The following LRRK1 variants were observed in gnomAD, a reference collection of about 807,000 sequenced individuals.
The protein encoded by LRRK1 is leucine-rich repeat serine/threonine-protein kinase 1.
LRRK1 carries 113 observed loss-of-function variants against 209.1 expected under a neutral mutation model. The ratio of observed to expected loss-of-function variants is 0.54; its 90% CI spans 0.46 to 0.63. The LOEUF (loss-of-function observed/expected upper bound fraction) is 0.63. LRRK1 is among the 30% of genes least tolerant of loss of function. LRRK1 has a pLI of 0.00. For missense variants in LRRK1, 2,284 were observed against 2,632.2 expected (o/e 0.87, Z 2.89); for synonymous variants, 1,144 against 1,099.7 (o/e 1.04, Z -0.80).
At chr15:100,962,821 A>ATTTT (rs1430253898) in intron 2 of LRRK1, among the ~76,000 whole-genome samples, 2 of 14,698 alleles carry the variant, frequency 1.4e-4, no homozygotes, top group East Asian at 9.0e-4. Context: ...ATATATATAT[A>ATTTT]TATTTTTTTT....
Position 100,983,969 on chromosome 15 carries a change from CT to C in LRRK1, c.433+275del, listed in dbSNP as rs574808483. 3.2e-3 allele frequency: 1,543 copies of C among 483,814 alleles called. 20 individuals carry two copies. Among genetic ancestry groups the C allele is most frequent in the African/African-American group, 0.028 (1,415 of 51,184 alleles). The allele number at this position is 483,814 out of a possible 1,614,324, so 30.0% of individuals were successfully genotyped here. On this transcript the variant is annotated intron_variant, in intron 4 of 33. Coordinates refer to ENST00000388948, the MANE Select transcript of LRRK1 (RefSeq NM_024652.6). ...AAAAAAATAATTAATAGACCTTGGT[CT>C]TTTTAGAGAAGTTTTAGATTTATGG...
intron 20 of LRRK1, among the ~76,000 whole-genome samples, chr15:101,034,628 C>G (rs146631126): frequency 1.3e-5 from 2 of 152,166 alleles, no homozygotes; most frequent in African/African-American, 4.8e-5. Flanking sequence ...TATTTTTATA[C>G]TGATATCATG....
Position 100,944,248 on chromosome 15 carries a change from C to T in LRRK1, c.97+19519C>T, listed in dbSNP as rs114923545. ...CTAAATGGAAGTAGTTTGCACCATA[C>T]ACAAGCAGGCTTCTCCATCCAGGAA... On this transcript the variant is annotated intron_variant, in intron 2 of 33. Coordinates refer to ENST00000388948, the MANE Select transcript of LRRK1 (RefSeq NM_024652.6). Among the ~76,000 whole-genome samples, 163 of 152,274 alleles carry T rather than the reference C, an allele frequency of 1.1e-3. 3 individuals carry two copies. Among genetic ancestry groups the T allele is most frequent in the African/African-American group, 3.8e-3 (160 of 41,560 alleles).
chr15:101,047,767 G>C (rs888157399), intron 21 of LRRK1, among the ~76,000 whole-genome samples: 1 of 152,188 alleles, frequency 6.6e-6, no homozygotes, highest in Admixed American at 6.5e-5. Flanking sequence ...GCGATTCCTC[G>C]GGATACATCC....
intron 20 of LRRK1, among the ~76,000 whole-genome samples, chr15:101,035,867 T>C (rs1181716772): frequency 6.6e-6 from 1 of 152,220 alleles, no homozygotes; most frequent in Non-Finnish European, 1.5e-5. Flanking sequence ...TGATGTTAAA[T>C]GTCACTTTTC....
Position 101,068,845 on chromosome 15 carries a change from G to GT in LRRK1, c.6046dup (p.Ter2016LeufsTer6), listed in dbSNP as rs1360508923. On this transcript the variant is annotated frameshift_variant, in exon 34 of 34. Coordinates refer to ENST00000388948, the MANE Select transcript of LRRK1 (RefSeq NM_024652.6). LOFTEE classifies it high-confidence loss of function. ...TGGAGGCTTGCACTCGCAAGAGAAG[G>GT]TAATTCCTGTGGAATGACTGTCACA... The GT allele has an allele frequency of 6.3e-7, 1 of 1,595,110 alleles. No individual in the cohort carries two copies. The highest frequency in any genetic ancestry group is 8.5e-7 in the Non-Finnish European group (1 of 1,170,342).
chr15:100,922,968 C>T (rs921818516), intron 1 of LRRK1, among the ~76,000 whole-genome samples: 5 of 152,214 alleles, frequency 3.3e-5, no homozygotes, highest in South Asian at 2.1e-4. Flanking sequence ...GAAATTCCCA[C>T]AGCCTTGTCC....
In LRRK1 at chr15:101,046,020, G is replaced by C. The variant is rs759824409; in HGVS notation, c.3003G>C (p.Leu1001=). The C allele has an allele frequency of 4.3e-6, 7 of 1,613,998 alleles. No individual in the cohort carries two copies. The East Asian group carries it at 1.3e-4, about 31-fold the overall frequency. ...ATCTCCTTCCATCTAAACCTGGCCTGGACACCCACGGTATGCGGCACCCCA... is the reference window on the plus strand; with the variant it reads ...ATCTCCTTCCATCTAAACCTGGCCTCGACACCCACGGTATGCGGCACCCCA... ...LPHLLPSKPG[L]DTHGMRHPTA... is the part of the protein sequence containing the mutation. The change falls in exon 21 of 34, where the codon CTG becomes CTC. Residue 1001 remains leucine (L), a synonymous_variant. Coordinates refer to ENST00000388948, the MANE Select transcript of LRRK1 (RefSeq NM_024652.6).
chr15:101,009,004 C>T lies in LRRK1; in HGVS notation c.930C>T (p.Ser310=), dbSNP rs2033111676. The T allele has an allele frequency of 2.5e-6, 4 of 1,614,074 alleles. No homozygotes were observed. Among genetic ancestry groups the T allele is most frequent in the African/African-American group, 1.3e-5 (1 of 74,928 alleles). ...TCAATCTCCGGAAGCTGAACCTCTC[C>T]GACAACCACCTGGGGGAGCTGCCTG... ...GLINLRKLNL[S]DNHLGELPGV... The change falls in exon 7 of 34, where the codon TCC becomes TCT. Residue 310 remains serine, a synonymous_variant. Coordinates refer to ENST00000388948, the MANE Select transcript of LRRK1 (RefSeq NM_024652.6).
intron 1 of LRRK1, among the ~76,000 whole-genome samples, chr15:100,922,375 G>A (rs1377197982): frequency 6.6e-6 from 1 of 151,906 alleles, no homozygotes; most frequent in Non-Finnish European, 1.5e-5. Context: ...ATTTTCAAAA[G>A]GAAACTGAAA....
chr15:101,059,077 C>CT (rs1467394058), intron 29 of LRRK1, among the ~76,000 whole-genome samples: 2 of 152,168 alleles, frequency 1.3e-5, no homozygotes, highest in Non-Finnish European at 2.9e-5. Flanking sequence ...CAGACGTACT[C>CT]TAAGAAATGA....
intron 3 of LRRK1, among the ~76,000 whole-genome samples, chr15:100,974,717 C>T (rs1187077277): frequency 6.6e-6 from 1 of 152,132 alleles, no homozygotes; most frequent in Non-Finnish European, 1.5e-5. Flanking sequence ...ATGTTATTTT[C>T]TTAGCATAGA....
chr15:100,944,482 G>T (rs2042500862), intron 2 of LRRK1, among the ~76,000 whole-genome samples: 1 of 152,222 alleles, frequency 6.6e-6, no homozygotes, highest in Non-Finnish European at 1.5e-5. Context: ...GGATGGGTTT[G>T]TGGCATTTGC....
At chr15:101,002,578 C>T (rs1386944455) in intron 6 of LRRK1, among the ~76,000 whole-genome samples, 4 of 152,148 alleles carry the variant, frequency 2.6e-5, no homozygotes, top group Admixed American at 2.6e-4. Context: ...GTTTAGCCTT[C>T]ATGGATAGGA....
At position 101,022,352 on chromosome 15, in the gene LRRK1, A is replaced by G. The variant is rs1385936152; in HGVS notation, c.1853-31A>G. 8.7e-6 allele frequency: 14 copies of G among 1,603,522 alleles called. No homozygotes were observed. The highest frequency in any genetic ancestry group is 1.3e-5 in the African/African-American group (1 of 74,764). On this transcript the variant is annotated intron_variant, in intron 14 of 33. Transcript: ENST00000388948. The surrounding 1 kb of genome is among the most constrained non-coding windows in gnomAD (Gnocchi z 4.0). ...AAGAGATGTGAGCATGTGCCCACGC[A>G]GCTACCCTTCCCCTTAATGATTTTG...
chr15:101,010,807 G>T lies in LRRK1; in HGVS notation c.1251G>T (p.Lys417Asn). The T allele has an allele frequency of 6.2e-7, 1 of 1,613,778 alleles. No individual in the cohort carries two copies. The highest frequency in any genetic ancestry group is 8.5e-7 in the Non-Finnish European group (1 of 1,179,934). ...TGAATGTCTCCAGAAACAACCTGAA[G>T]GTGTTTCCAGATCCCTGGGCCTGCC... ...NSLNVSRNNL[K>N]VFPDPWACPL... Residue 417 changes from lysine (K) to asparagine (N), a missense_variant, in exon 9 of 34, where the codon AAG becomes AAT. This residue lies in a region of LRRK1 where 494 missense variants were observed against 522.1 expected (regional missense o/e 0.95). Transcript: ENST00000388948.
intron 11 of LRRK1, among the ~76,000 whole-genome samples, chr15:101,014,667 CCT>C (rs1260279417): frequency 6.6e-6 from 1 of 152,212 alleles, no homozygotes; most frequent in Non-Finnish European, 1.5e-5. Flanking sequence ...CCGTCTTCTC[CCT>C]GTGTCCTGTT....
In LRRK1 at chr15:101,075,838, T is replaced by A. The variant is rs1246922692; in HGVS notation, c.*6990T>A. 3.9e-5 allele frequency: 6 copies of A among 152,328 alleles called. No homozygotes were observed. Among genetic ancestry groups the A allele is most frequent in the Middle Eastern group, 3.4e-3 (1 of 294 alleles). The allele number at this position is 152,328 out of a possible 1,614,324, so 9.4% of individuals were successfully genotyped here. A position where few individuals can be genotyped will look rare whatever the true frequency, so the allele number is the denominator to read the frequency against. Reference sequence around the variant, plus strand: ...TTGCACCCTTCATCCCAGCCTCTCTTCACTTTCACTTGGACTGACCCTGAC... The same window carrying A: ...TTGCACCCTTCATCCCAGCCTCTCTACACTTTCACTTGGACTGACCCTGAC... On this transcript the variant is annotated 3_prime_UTR_variant, in exon 34 of 34. Transcript: ENST00000388948.
At chr15:100,926,466 C>T (rs1456042609) in intron 2 of LRRK1, among the ~76,000 whole-genome samples, 2 of 151,770 alleles carry the variant, frequency 1.3e-5, no homozygotes, top group Non-Finnish European at 2.9e-5. Flanking sequence ...AGGCGCTGCT[C>T]CCTCCCCTCC....
Sources: gnomAD v4.1 joint callset for allele counts (sites outside exome capture counted in the v4.1 genomes callset) on GRCh38, gnomAD v4.1.1 for gene constraint, gnomAD v4.1.1 regional missense constraint, Gnocchi (gnomAD v3.1) non-coding constraint, MANE v1.5 for transcripts, NCBI Gene and HGNC (gene_info 2026-07-23, HGNC 2026-07-21) for gene names.